TTC14: variants seen among roughly 807,000 people sequenced by gnomAD.
TTC14 encodes tetratricopeptide repeat domain 14.
TTC14 carries 63 observed loss-of-function variants against 79.9 expected under a neutral mutation model. The ratio of observed to expected loss-of-function variants is 0.79; its 90% CI spans 0.64 to 0.97. TTC14 has a LOEUF of 0.97. Among genes scored for constraint, TTC14 ranks in the 50% least tolerant of loss-of-function variants. The pLI is 0.00. For synonymous variants in TTC14, 335 were observed against 309.6 expected (o/e 1.08, Z -0.86); for missense variants, 895 against 894.0 (o/e 1.00, Z -0.01).
chr3:180,604,694 C>T, intron 5 of TTC14, 87 bp downstream of exon 5: 1 of 1,474,204 alleles, frequency 6.8e-7, no homozygotes, highest in Non-Finnish European at 9.1e-7. Flanking sequence ...GGTTAAATTA[C>T]TTCAGACTTG....
Position 180,607,698 on chromosome 3 carries a change from C to T in TTC14, c.1223C>T (p.Ala408Val). The T allele has an allele frequency of 6.2e-7, 1 of 1,611,352 alleles. No individual in the cohort carries two copies. The highest frequency in any genetic ancestry group is 8.5e-7 in the Non-Finnish European group (1 of 1,178,796). Residue 408 changes from alanine to valine, a missense_variant, in exon 10 of 12, where the codon GCT becomes GTT. By Grantham distance (64) the Ala-to-Val change is moderately conservative (BLOSUM62 0). Transcript: ENST00000296015. ...AATGCTGAAAGTTACTATAAGAAAG[C>T]TTTGGCTTTGGATGAGACTTTTAAA... ...FLNAESYYKK[A>V]LALDETFKDA...
intron 7 of TTC14, 86 bp from the exon 8 acceptor site, chr3:180,606,167 C>T: frequency 6.4e-7 from 1 of 1,559,574 alleles, no homozygotes; most frequent in East Asian, 2.2e-5. Context: ...AGTTTGATGA[C>T]ATTTGCTTTT....
At position 180,609,820 on chromosome 3, in the gene TTC14, A is replaced by C; in HGVS notation, c.1591A>C (p.Asn531His). 5.6e-6 allele frequency: 9 copies of C among 1,613,728 alleles called. No homozygotes were observed. The highest frequency in any genetic ancestry group is 7.6e-6 in the Non-Finnish European group (9 of 1,179,884). Residue 531 changes from asparagine (N) to histidine (H), a missense_variant, in exon 12 of 12, where the codon AAT (asparagine) becomes CAT (histidine). Coordinates refer to ENST00000296015, the MANE Select transcript of TTC14 (RefSeq NM_133462.4). ...SRASSNQIDQ[N>H]RKDECYPVPA... is the part of the protein sequence containing the mutation. ...GGCATCCTCAAATCAGATAGATCAG[A>C]ATAGGAAAGATGAGTGCTACCCAGT...
downstream of TTC14, chr3:180,614,668 T>G (rs1432525061): frequency 5.4e-6 from 2 of 372,404 alleles, no homozygotes; most frequent in African/African-American, 4.3e-5. Flanking sequence ...AACATCAGAA[T>G]TACAGTGAAA....
At chr3:180,615,192 A>G, downstream of TTC14, 1 of 695,768 alleles carries the variant, frequency 1.4e-6, no homozygotes, top group Non-Finnish European at 2.3e-6. Flanking sequence ...AAAAAAGTAC[A>G]TATTAATAGT....
At position 180,609,474 on chromosome 3, in the gene TTC14, A is replaced by G. The variant is rs1429388793; in HGVS notation, c.1401-156A>G. The G allele has an allele frequency of 4.6e-6, 6 of 1,317,310 alleles. No homozygotes were observed. In the African/African-American group the frequency reaches 7.6e-5, roughly 17 times the overall value. The allele number at this position is 1,317,310 out of a possible 1,614,324, so 81.6% of individuals were successfully genotyped here. On this transcript the variant is annotated intron_variant, in intron 11 of 11. Coordinates refer to ENST00000296015, the MANE Select transcript of TTC14 (RefSeq NM_133462.4). ...ATTTTTTCCCCCAAAAGTGCTTAATAGTAAAATTAGATCTTGTAGTAGCCG... is the reference window on the plus strand; with the variant it reads ...ATTTTTTCCCCCAAAAGTGCTTAATGGTAAAATTAGATCTTGTAGTAGCCG...
downstream of TTC14, chr3:180,611,151 G>C: frequency 1.0e-6 from 1 of 985,326 alleles, no homozygotes; most frequent in Non-Finnish European, 1.2e-6. Context: ...CCCAGCATAA[G>C]TGCCTTAGGA....
chr3:180,607,967 T>C, intron 10 of TTC14: 12 of 1,307,838 alleles, frequency 9.2e-6, no homozygotes, highest in Non-Finnish European at 1.2e-5. Flanking sequence ...AAGATAGCTG[T>C]GAGAAAACTA....
At chr3:180,611,213 T>C (rs1716984088), downstream of TTC14, 1 of 959,738 alleles carries the variant, frequency 1.0e-6, no homozygotes, top group South Asian at 4.8e-5. Flanking sequence ...TCTCCATTAT[T>C]TTTTACCTCA....
Position 180,602,191 on chromosome 3 carries a change from C to T in TTC14, c.-71C>T, listed in dbSNP as rs1716386391. The stretch of plus-strand genomic sequence containing the variant: ...CAGTTTCTTCCGCTTCCTGTACCAC[C>T]CGGCTCAAGTAGCGGACACGGAACA... On this transcript the variant is annotated 5_prime_UTR_variant, in exon 1 of 12. Coordinates refer to ENST00000296015, the MANE Select transcript of TTC14 (RefSeq NM_133462.4). 1 of 1,571,648 alleles carries T rather than the reference C, an allele frequency of 6.4e-7. No individual in the cohort carries two copies. The highest frequency in any genetic ancestry group is 8.6e-7 in the Non-Finnish European group (1 of 1,157,164).
chr3:180,612,542 A>C (rs143946005), downstream of TTC14, among the ~76,000 whole-genome samples: 8 of 152,282 alleles, frequency 5.3e-5, no homozygotes, highest in African/African-American at 1.9e-4. Context: ...AGGGAGGAGG[A>C]TTGCTTGAGG....
chr3:180,609,245 CACCCG>C, intron 11 of TTC14: 3 of 492,504 alleles, frequency 6.1e-6, no homozygotes, highest in Non-Finnish European at 8.1e-6. Flanking sequence ...GGTCAGCTCC[CACCCG>C]CACCCCCACC....
chr3:180,610,736 A>AG lies in TTC14; in HGVS notation c.*195dup. 1 of 1,296,748 alleles carries AG rather than the reference A, an allele frequency of 7.7e-7. No individual in the cohort carries two copies. The highest frequency in any genetic ancestry group is 9.8e-7 in the Non-Finnish European group (1 of 1,022,312). The allele number at this position is 1,296,748 out of a possible 1,614,324, so 80.3% of individuals were successfully genotyped here. A position where few individuals can be genotyped will look rare whatever the true frequency, so the allele number is the denominator to read the frequency against. On this transcript the variant is annotated 3_prime_UTR_variant, in exon 12 of 12. Transcript: ENST00000296015. Reference sequence around the variant, plus strand: ...GGTCCCTTGTCACAGCTTGGTTTTTAGACTTTTTATGTATATGTTTATGTA... The same window carrying AG: ...GGTCCCTTGTCACAGCTTGGTTTTTAGGACTTTTTATGTATATGTTTATGTA...
At chr3:180,614,622 G>A (rs531192166), downstream of TTC14, 9 of 253,694 alleles carry the variant, frequency 3.5e-5, no homozygotes, top group African/African-American at 6.9e-5. Flanking sequence ...GTGTAGTTTC[G>A]TGAAATAATG....
In TTC14 at chr3:180,610,919, A is replaced by G; in HGVS notation, c.*377A>G. 8 of 982,942 alleles carry G rather than the reference A, an allele frequency of 8.1e-6. No individual in the cohort carries two copies. The highest frequency in any genetic ancestry group is 9.7e-6 in the Non-Finnish European group (8 of 827,498). 60.9% of individuals were successfully genotyped at this position (982,942 alleles called of 1,614,324 possible). A position where few individuals can be genotyped will look rare whatever the true frequency, so the allele number is the denominator to read the frequency against. On this transcript the variant is annotated 3_prime_UTR_variant, in exon 12 of 12. Transcript: ENST00000296015. ...TGCATTGAACACTTGGATCATTTTT[A>G]TAAAAATTAATTTCATTTTCTTTTC...
rs572972925 is a variant in TTC14, at chr3:180,607,726, T to C, written c.1251T>C (p.Asp417=). The C allele has an allele frequency of 6.2e-7, 1 of 1,612,210 alleles. No individual in the cohort carries two copies. Among genetic ancestry groups the C allele is most frequent in the Admixed American group, 1.7e-5 (1 of 59,878 alleles). The change falls in exon 10 of 12, where the codon GAT becomes GAC. Residue 417 remains aspartate (D), a synonymous_variant. Coordinates refer to ENST00000296015, the MANE Select transcript of TTC14 (RefSeq NM_133462.4). ...TGGCTTTGGATGAGACTTTTAAAGA[T>C]GCAGAGGATGCTTTGCAGAAACTTC... ...KALALDETFK[D]AEDALQKLHK...
exon 13 of TTC14, chr3:180,617,642 A>G (rs1717299116): frequency 2.5e-6 from 1 of 406,558 alleles, no homozygotes. Flanking sequence ...AAAAATAGAA[A>G]AATGCTTAGA....
chr3:180,605,996 T>G, intron 7 of TTC14, 159 bp downstream of exon 7: 1 of 862,364 alleles, frequency 1.2e-6, no homozygotes, highest in Non-Finnish European at 1.8e-6. Flanking sequence ...GTCTTACATT[T>G]TACACTTAAC....
Position 180,609,909 on chromosome 3 carries a change from G to A in TTC14, c.1680G>A (p.Lys560=). 1 of 1,614,020 alleles carries A rather than the reference G, an allele frequency of 6.2e-7. No homozygotes were observed. Among genetic ancestry groups the A allele is most frequent in the East Asian group, 2.2e-5 (1 of 44,862 alleles). ...HKQEVEKLLG[K]QDRLQYEKTQ... ...AAGAAGTGGAGAAACTACTGGGGAA[G>A]CAGGATAGGTTACAGTATGAAAAGA... Residue 560 remains lysine, a synonymous_variant, in exon 12 of 12, where the codon AAG becomes AAA. Coordinates refer to ENST00000296015, the MANE Select transcript of TTC14 (RefSeq NM_133462.4).
Sources: gnomAD v4.1 joint callset for allele counts (sites outside exome capture counted in the v4.1 genomes callset) on GRCh38, gnomAD v4.1.1 for gene constraint, MANE v1.5 for transcripts, NCBI Gene and HGNC (gene_info 2026-07-23, HGNC 2026-07-21) for gene names.